HCRTR1: variants seen among roughly 807,000 people sequenced by gnomAD.
HCRTR1 encodes the protein hypocretin receptor 1.
In HCRTR1, 28 loss-of-function variants were observed where a neutral mutation model predicts 40.6. The ratio of observed to expected loss-of-function variants is 0.69; its 90% CI spans 0.51 to 0.95. The LOEUF (loss-of-function observed/expected upper bound fraction) is 0.95. Among genes scored for constraint, HCRTR1 ranks in the 40% least tolerant of loss-of-function variants. The pLI is 0.00. For missense variants in HCRTR1, 482 were observed against 564.7 expected (o/e 0.85, Z 1.48); for synonymous variants, 209 against 230.0 (o/e 0.91, Z 0.83).
chr1:31,629,675 C>T (rs1303573392), downstream of HCRTR1, among the ~76,000 whole-genome samples: 1 of 152,132 alleles, frequency 6.6e-6, no homozygotes, highest in East Asian at 1.9e-4. Context: ...TGAACTGAAC[C>T]CGGCAGGCCC....
downstream of HCRTR1, among the ~76,000 whole-genome samples, chr1:31,631,729 T>C (rs1640108815): frequency 6.6e-6 from 1 of 152,246 alleles, no homozygotes; most frequent in Admixed American, 6.5e-5. Flanking sequence ...CCCTTACTAA[T>C]ATCCACGACA....
rs765816307 is a variant in HCRTR1, at chr1:31,619,562, T to C, written c.230T>C (p.Met77Thr). 2.5e-6 allele frequency: 4 copies of C among 1,614,066 alleles called. No homozygotes were observed. In the Admixed American group the frequency reaches 6.7e-5, roughly 27 times the overall value. The change falls in exon 4 of 9, where the codon ATG becomes ACG. Residue 77 changes from methionine (M) to threonine (T), a missense_variant. Transcript: ENST00000403528. ...CTGGCCGTGTGGCGGAACCACCACA[T>C]GAGGACAGTCACCAACTACTTCATT... is the stretch of plus-strand genomic sequence containing the variant. The part of the protein sequence containing the change: ...VCLAVWRNHH[M>T]RTVTNYFIVN...
At chr1:31,624,472 G>C (rs1413136849) in intron 7 of HCRTR1, among the ~76,000 whole-genome samples, 6 of 96,938 alleles carry the variant, frequency 6.2e-5, no homozygotes, top group South Asian at 3.1e-4. Flanking sequence ...AAAAAAAAAA[G>C]CCTTTCCAAG....
At position 31,620,895 on chromosome 1, in the gene HCRTR1, G is replaced by A. The variant is rs1267298387; in HGVS notation, c.431G>A (p.Arg144His). Residue 144 changes from arginine (R) to histidine (H), a missense_variant, in exon 5 of 9, where the codon CGC becomes CAC. Physicochemically the swap from Arg to His is conservative, Grantham distance 29. Coordinates refer to ENST00000403528, the MANE Select transcript of HCRTR1 (RefSeq NM_001525.3). ...ACTCTCAGCTTCATCGCCCTGGACC[G>A]CTGGTATGCCATCTGCCACCCACTA... ...VLTLSFIALD[R>H]WYAICHPLLF... 10 of 1,614,112 alleles carry A rather than the reference G, an allele frequency of 6.2e-6. No homozygotes were observed. Among genetic ancestry groups the A allele is most frequent in the South Asian group, 3.3e-5 (3 of 91,086 alleles).
chr1:31,625,593 G>A lies in HCRTR1; in HGVS notation c.1087+475G>A, dbSNP rs572823080. Among the ~76,000 whole-genome samples, 16 of 152,292 alleles carry A rather than the reference G, an allele frequency of 1.1e-4. No individual in the cohort carries two copies. The highest frequency in any genetic ancestry group is 7.7e-4 in the East Asian group (4 of 5,184). The stretch of plus-strand genomic sequence containing the variant: ...GCCAGGCCCAGGGAAGGGCTTCGCC[G>A]GCTCAGCTAGACACACTGGCAGAGT... On this transcript the variant is annotated intron_variant, in intron 8 of 8. Transcript: ENST00000403528. The surrounding 1 kb of genome is among the most constrained non-coding windows in gnomAD (Gnocchi z 4.2).
intron 7 of HCRTR1, among the ~76,000 whole-genome samples, chr1:31,623,984 C>A (rs1050329318): frequency 2.6e-5 from 4 of 152,162 alleles, no homozygotes; most frequent in African/African-American, 7.2e-5. Context: ...ATAAGACAGA[C>A]AAAGTCCCTG....
At chr1:31,632,688 C>A (rs1557584650), downstream of HCRTR1, 1 of 1,592,872 alleles carries the variant, frequency 6.3e-7, no homozygotes, top group Non-Finnish European at 8.6e-7. Flanking sequence ...GACTGAAGGC[C>A]AAGGGTCCCC....
At chr1:31,630,670 G>T, downstream of HCRTR1, 1 of 1,613,648 alleles carries the variant, frequency 6.2e-7, no homozygotes, top group South Asian at 1.1e-5. Flanking sequence ...GCCGAATGTT[G>T]CCTTGTACAG....
intron 4 of HCRTR1, 61 bp from the exon 5 acceptor site, chr1:31,620,782 A>G (rs1445150762): frequency 6.3e-7 from 1 of 1,576,294 alleles, no homozygotes; most frequent in East Asian, 2.2e-5. Flanking sequence ...CTCCTCACTC[A>G]CCTACTCTCA....
downstream of HCRTR1, among the ~76,000 whole-genome samples, chr1:31,628,720 C>T (rs1640025623): frequency 6.6e-6 from 1 of 152,228 alleles, no homozygotes. Context: ...TGGGGGGCCT[C>T]AGCCCTCCAC....
At position 31,621,054 on chromosome 1, in the gene HCRTR1, G is replaced by A. The variant is rs199680510; in HGVS notation, c.590G>A (p.Arg197Gln). The A allele has an allele frequency of 5.3e-5, 86 of 1,610,816 alleles. No individual in the cohort carries two copies. Among genetic ancestry groups the A allele is most frequent in the South Asian group, 6.6e-5 (6 of 91,066 alleles). Reference protein sequence around the residue: ...SVLPELANRTRLFSVCDERWA... With the variant: ...SVLPELANRTQLFSVCDERWA... ...CTGCCTGAGCTAGCCAACCGCACAC[G>A]GCTCTTCTCAGTCTGTGATGAACGC... Residue 197 changes from arginine (R) to glutamine (Q), a missense_variant, in exon 5 of 9, where the codon CGG (arginine) becomes CAG (glutamine). Physicochemically the swap from Arg to Gln is conservative, Grantham distance 43. Transcript: ENST00000403528.
In HCRTR1 at chr1:31,627,120, G is replaced by C. The variant is rs771767283; in HGVS notation, c.*140G>C. On this transcript the variant is annotated 3_prime_UTR_variant, in exon 9 of 9. Coordinates refer to ENST00000403528, the MANE Select transcript of HCRTR1 (RefSeq NM_001525.3). ...TCTGGATAAGTCACTTCCTCTGTCT[G>C]AGCTTGTGTCCCCTAAGCAGGGTTG... 4.2e-6 allele frequency: 6 copies of C among 1,437,162 alleles called. No individual in the cohort carries two copies. The highest frequency in any genetic ancestry group is 5.6e-6 in the Non-Finnish European group (6 of 1,079,510). 89.0% of individuals were successfully genotyped at this position (1,437,162 alleles called of 1,614,324 possible).
downstream of HCRTR1, chr1:31,632,696 C>G: frequency 6.4e-7 from 1 of 1,566,242 alleles, no homozygotes; most frequent in Non-Finnish European, 8.7e-7. Flanking sequence ...GCCAAGGGTC[C>G]CCCTCAGGAC....
downstream of HCRTR1, chr1:31,630,725 G>C: frequency 6.2e-7 from 1 of 1,614,156 alleles, no homozygotes. Flanking sequence ...CTGCAGCTGG[G>C]TGCACACCTG....
downstream of HCRTR1, among the ~76,000 whole-genome samples, chr1:31,632,947 C>G (rs1482890009): frequency 1.3e-5 from 2 of 152,192 alleles, no homozygotes; most frequent in Admixed American, 1.3e-4. Context: ...ACTAAGTTAA[C>G]CTGTAACTAG....
intron 7 of HCRTR1, 107 bp from the exon 8 acceptor site, chr1:31,624,890 G>A: frequency 1.1e-5 from 14 of 1,222,224 alleles, no homozygotes; most frequent in Non-Finnish European, 1.3e-5. Context: ...ACAGAAGTGG[G>A]CAGTAGGAAC....
At chr1:31,622,067 A>G (rs1203223591) in intron 6 of HCRTR1, among the ~76,000 whole-genome samples, 1 of 152,220 alleles carries the variant, frequency 6.6e-6, no homozygotes, top group Non-Finnish European at 1.5e-5. Context: ...ATGTCTTAAC[A>G]ACTATCTAAC....
downstream of HCRTR1, among the ~76,000 whole-genome samples, chr1:31,632,958 G>A (rs1231010608): frequency 6.6e-6 from 1 of 152,186 alleles, no homozygotes; most frequent in Non-Finnish European, 1.5e-5. Flanking sequence ...CTGTAACTAG[G>A]CAGGGTCTAG....
At chr1:31,633,122 G>A (rs1332632290), downstream of HCRTR1, 2 of 1,591,106 alleles carry the variant, frequency 1.3e-6, no homozygotes, top group East Asian at 2.2e-5. Context: ...AGGTGGCTCT[G>A]CCCCAGCTCA....
Sources: gnomAD v4.1 joint callset for allele counts (sites outside exome capture counted in the v4.1 genomes callset) on GRCh38, gnomAD v4.1.1 for gene constraint, Gnocchi (gnomAD v3.1) non-coding constraint, MANE v1.5 for transcripts, NCBI Gene and HGNC (gene_info 2026-07-23, HGNC 2026-07-21) for gene names.